Variants in CEP83 observed in about 807,000 individuals in gnomAD.
CEP83 encodes the protein centrosomal protein of 83 kDa.
A neutral mutation model predicts 101.9 loss-of-function variants in CEP83; 70 were observed. The observed-to-expected ratio is 0.69, with a 90% CI of 0.57 to 0.84. The LOEUF (loss-of-function observed/expected upper bound fraction) is 0.84, where lower values mean the gene tolerates loss of function less well. Ranked by LOEUF, CEP83 falls within the 40% of genes least tolerant of loss-of-function variation. The pLI, the probability that CEP83 is intolerant of heterozygous loss-of-function variation, is 0.00. For synonymous variants in CEP83, 264 were observed against 267.9 expected (o/e 0.99, Z 0.14); for missense variants, 715 against 787.2 (o/e 0.91, Z 1.10).
rs2136276557 is a variant in CEP83 at position 94,310,054 on chromosome 12, A to G, written c.1865T>C (p.Ile622Thr). 1.2e-6 allele frequency: 2 copies of G among 1,605,940 alleles called. No homozygotes were observed. Among genetic ancestry groups the G allele is most frequent in the Admixed American group, 1.7e-5 (1 of 59,850 alleles). The change falls in exon 16 of 17, where the codon ATA becomes ACA. Residue 622 changes from isoleucine to threonine, a missense_variant. By Grantham distance (89) the Ile-to-Thr change is moderately conservative. Coordinates refer to ENST00000397809, the MANE Select transcript of CEP83 (RefSeq NM_016122.3). The part of the protein sequence containing the change: ...YTRLQKRLKD[I>T]QRRHNEFRSL... ...TCGAAATTCATTATGTCTTCTCTGT[A>G]TATCTTTTAGTCTTTTTTGAAGCCT... is the stretch of plus-strand genomic sequence containing the variant.
At chr12:94,349,362 T>C (rs1201600071) in intron 11 of CEP83, among the ~76,000 whole-genome samples, 1 of 152,094 alleles carries the variant, frequency 6.6e-6, no homozygotes, top group Non-Finnish European at 1.5e-5. Context: ...TAAACTTATT[T>C]CTCATTGGCA....
the CEP83 span, among the ~76,000 whole-genome samples, chr12:94,275,833 C>A: frequency 1.1e-4 from 7 of 66,482 alleles, no homozygotes; most frequent in South Asian, 4.0e-4. Flanking sequence ...CCAGCCTGGG[C>A]GACAGAGCGA....
At chr12:94,427,526 A>AT (rs2065295351) in intron 2 of CEP83, among the ~76,000 whole-genome samples, 1 of 152,180 alleles carries the variant, frequency 6.6e-6, no homozygotes, top group African/African-American at 2.4e-5. Flanking sequence ...TCCATATGAC[A>AT]TTTTATTTTG....
At chr12:94,456,869 C>T (rs555734380) in intron 1 of CEP83, among the ~76,000 whole-genome samples, 1 of 152,310 alleles carries the variant, frequency 6.6e-6, no homozygotes, top group South Asian at 2.1e-4. Flanking sequence ...AAGGATACAG[C>T]TCATCGAGAT....
At chr12:94,287,315 G>A in the CEP83 span, among the ~76,000 whole-genome samples, 2 of 152,208 alleles carry the variant, frequency 1.3e-5, no homozygotes, top group African/African-American at 4.8e-5. Context: ...CTATGAAGGG[G>A]ACTGTGCTTT....
downstream of CEP83, chr12:94,306,562 T>C (rs140244222): frequency 1.0e-3 from 157 of 152,336 alleles, no homozygotes; most frequent in African/African-American, 3.7e-3. Flanking sequence ...AACAGCATAA[T>C]TGGCAACTCT....
chr12:94,351,020 A>G (rs1392730473), intron 11 of CEP83, among the ~76,000 whole-genome samples: 6 of 152,130 alleles, frequency 3.9e-5, no homozygotes, highest in African/African-American at 1.4e-4. Context: ...ATAACAAGTA[A>G]ATAACTGCAC....
chr12:94,331,317 G>A (rs1009111081), intron 14 of CEP83, among the ~76,000 whole-genome samples: 658 of 53,284 alleles, frequency 0.012, 1 homozygote, highest in Middle Eastern at 0.015. Context: ...AAAAAAAAAA[G>A]ATTTAATTAT....
At chr12:94,388,915 T>C (rs1250638549) in intron 6 of CEP83, among the ~76,000 whole-genome samples, 1 of 151,994 alleles carries the variant, frequency 6.6e-6, no homozygotes, top group South Asian at 2.1e-4. Flanking sequence ...TCACTTGAGG[T>C]CAGGAGTTCA....
At chr12:94,434,725 G>A (rs2065873594) in intron 2 of CEP83, among the ~76,000 whole-genome samples, 1 of 152,178 alleles carries the variant, frequency 6.6e-6, no homozygotes, top group African/African-American at 2.4e-5. Flanking sequence ...TTGGGGATGG[G>A]ACGCAAGTCT....
intron 11 of CEP83, among the ~76,000 whole-genome samples, chr12:94,348,528 C>A (rs563326098): frequency 6.6e-6 from 1 of 151,900 alleles, no homozygotes; most frequent in African/African-American, 2.4e-5. Context: ...TTGTGACATG[C>A]GACAAAAAGT....
the CEP83 span, among the ~76,000 whole-genome samples, chr12:94,268,156 C>T: frequency 6.6e-6 from 1 of 152,202 alleles, no homozygotes; most frequent in Non-Finnish European, 1.5e-5. Context: ...CTCAGAAGCA[C>T]AGCACCTCAT....
intron 7 of CEP83, among the ~76,000 whole-genome samples, chr12:94,377,738 A>G (rs3847817): frequency 0.28 from 42,372 of 152,086 alleles, 6,006 homozygotes; most frequent in South Asian, 0.33. Context: ...ACCTCAATGG[A>G]AAGTTTCACA....
chr12:94,358,959 G>A (rs1249627603), intron 11 of CEP83, among the ~76,000 whole-genome samples: 1 of 152,212 alleles, frequency 6.6e-6, no homozygotes, highest in Non-Finnish European at 1.5e-5. Context: ...TGAGGACAAG[G>A]AATACCTGGC....
chr12:94,355,702 G>A (rs1406192692), intron 11 of CEP83, among the ~76,000 whole-genome samples: 2 of 152,212 alleles, frequency 1.3e-5, no homozygotes, highest in Non-Finnish European at 2.9e-5. Context: ...CTGGAAGGTT[G>A]TGGGTTTACA....
In CEP83 at chr12:94,312,958, C is replaced by G. The variant is rs780387972; in HGVS notation, c.1767G>C (p.Glu589Asp). 6.3e-7 allele frequency: 1 copy of G among 1,594,436 alleles called. No individual in the cohort carries two copies. Among genetic ancestry groups the G allele is most frequent in the Non-Finnish European group, 8.6e-7 (1 of 1,166,258 alleles). Residue 589 changes from glutamate (E) to aspartate (D), a missense_variant, in exon 15 of 17, where the codon GAG (glutamate) becomes GAC (aspartate). Glu to Asp is a conservative substitution (Grantham distance 45). Coordinates refer to ENST00000397809, the MANE Select transcript of CEP83 (RefSeq NM_016122.3). ...KRLQEKVEVLEAKKEELETEN... is the reference protein window; with the variant it reads ...KRLQEKVEVLDAKKEELETEN... ...CTGTTTCCAATTCTTCTTTCTTTGC[C>G]TCCAAGACTTCTACTTTCTCTTGTA...
chr12:94,416,627 G>A (rs2064297059), intron 2 of CEP83, among the ~76,000 whole-genome samples: 1 of 151,168 alleles, frequency 6.6e-6, no homozygotes, highest in Non-Finnish European at 1.5e-5. Context: ...AGATTAGGTG[G>A]AAGCCAAGCT....
chr12:94,400,995 G>A lies in CEP83; in HGVS notation c.418-14C>T. On this transcript the variant is annotated splice_polypyrimidine_tract_variant and intron_variant, in intron 5 of 16. Transcript: ENST00000397809. Reference sequence around the variant, plus strand: ...CTTTTCTACCTCCTAAAGGGAGAATGCATTTATCATAGATTTATAAACAAA... The same window carrying A: ...CTTTTCTACCTCCTAAAGGGAGAATACATTTATCATAGATTTATAAACAAA... 7.6e-7 allele frequency: 1 copy of A among 1,319,644 alleles called. No homozygotes were observed. Among genetic ancestry groups the A allele is most frequent in the East Asian group, 2.8e-5 (1 of 35,618 alleles). The allele number at this position is 1,319,644 out of a possible 1,614,324, so 81.7% of individuals were successfully genotyped here.
intron 16 of CEP83, among the ~76,000 whole-genome samples, chr12:94,309,709 T>TA (rs1969541588): frequency 6.6e-6 from 1 of 152,122 alleles, no homozygotes; most frequent in East Asian, 1.9e-4. Flanking sequence ...GCACCAACAC[T>TA]AAAGGATCAT....
Sources: allele counts gnomAD v4.1 joint callset (sites outside exome capture counted in the v4.1 genomes callset), GRCh38; gene constraint gnomAD v4.1.1; transcripts MANE v1.5; gene names NCBI Gene and HGNC (gene_info 2026-07-23, HGNC 2026-07-21).